CHERP: variants seen among roughly 807,000 people sequenced by gnomAD.
CHERP encodes the protein ERPROT 213-21.
CHERP carries 8 observed loss-of-function variants against 113.8 expected under a neutral mutation model. The observed-to-expected ratio is 0.07, with a 90% CI of 0.04 to 0.13. CHERP has a LOEUF of 0.13. Ranked by LOEUF, CHERP falls within the 10% of genes least tolerant of loss-of-function variation. The pLI is 1.00. For missense variants in CHERP, 884 were observed against 1,298.2 expected (o/e 0.68, Z 4.90); for synonymous variants, 559 against 524.5 (o/e 1.07, Z -0.90).
Position 16,535,445 on chromosome 19 carries a change from C to T in CHERP, c.384+7G>A, listed in dbSNP as rs532420622. 1 of 1,605,998 alleles carries T rather than the reference C, an allele frequency of 6.2e-7. No individual in the cohort carries two copies. On this transcript the variant is annotated splice_region_variant and intron_variant, in intron 3 of 16. Coordinates refer to ENST00000546361, the MANE Select transcript of CHERP (RefSeq NM_006387.6). The surrounding 1 kb of genome is among the most constrained non-coding windows in gnomAD (Gnocchi z 4.3). ...GGTGTCTGGCCGAGGAGGCGGCGGG[C>T]CCATACCTGTCTGAGCGCCAGCAAG...
intron 8 of CHERP, among the ~76,000 whole-genome samples, chr19:16,528,639 T>G (rs947479918): frequency 6.6e-6 from 1 of 152,222 alleles, no homozygotes; most frequent in African/African-American, 2.4e-5. Flanking sequence ...CAAATCTTCT[T>G]TGATCAGAAT....
intron 9 of CHERP, among the ~76,000 whole-genome samples, chr19:16,526,595 G>C (rs1034323707): frequency 6.6e-6 from 1 of 152,020 alleles, no homozygotes; most frequent in African/African-American, 2.4e-5. Context: ...AGCTTCTCGA[G>C]TAGCTGGGAT....
intron 12 of CHERP, chr19:16,521,232 G>T: frequency 1.7e-6 from 1 of 572,486 alleles, no homozygotes; most frequent in Non-Finnish European, 3.1e-6. Context: ...GGAAGGAGGG[G>T]TGACCACTGG....
At chr19:16,537,147 C>G (rs929004745) in intron 2 of CHERP, among the ~76,000 whole-genome samples, 2 of 152,010 alleles carry the variant, frequency 1.3e-5, no homozygotes, top group African/African-American at 2.4e-5. Context: ...TTTATCTCAG[C>G]CTGGTGCCTG....
Position 16,523,066 on chromosome 19 carries a change from C to A in CHERP, c.1966G>T (p.Ala656Ser). The A allele has an allele frequency of 6.6e-7, 1 of 1,513,006 alleles. No homozygotes were observed. 93.7% of individuals were successfully genotyped at this position (1,513,006 alleles called of 1,614,324 possible). Residue 656 changes from alanine to serine, a missense_variant, in exon 11 of 17, where the codon GCC becomes TCC. Coordinates refer to ENST00000546361, the MANE Select transcript of CHERP (RefSeq NM_006387.6). This position sits in a 1 kb window ranked among gnomAD's most constrained non-coding sequence, Gnocchi z 4.0. ...PYFDLPAGLMAPLVKLEDHEY... is the reference protein window; with the variant it reads ...PYFDLPAGLMSPLVKLEDHEY... ...TGGGGCATTACCTTCACGAGGGGGG[C>A]CATCAGCCCAGCAGGGAGATCGAAG...
At chr19:16,526,102 C>G (rs1373798780) in intron 9 of CHERP, 3 of 183,782 alleles carry the variant, frequency 1.6e-5, no homozygotes, top group Non-Finnish European at 3.4e-5. Context: ...TCTGACACCC[C>G]CTGCCCTGCC....
Position 16,530,464 on chromosome 19 carries a change from C to T in CHERP, c.876+121G>A. On this transcript the variant is annotated intron_variant, in intron 7 of 16. Coordinates refer to ENST00000546361, the MANE Select transcript of CHERP (RefSeq NM_006387.6). This position sits in a 1 kb window ranked among gnomAD's most constrained non-coding sequence, Gnocchi z 4.1. ...CAACACACACTGGCTACTCCTAGCA[C>T]AGGCAGGGGACATGGGCTCTCTGGC... The T allele has an allele frequency of 2.3e-6, 2 of 877,750 alleles. No homozygotes were observed. Among genetic ancestry groups the T allele is most frequent in the African/African-American group, 1.6e-5 (1 of 60,752 alleles). The allele number at this position is 877,750 out of a possible 1,614,324, so 54.4% of individuals were successfully genotyped here. A position where few individuals can be genotyped will look rare whatever the true frequency, so the allele number is the denominator to read the frequency against.
At chr19:16,536,739 G>A (rs991488275) in intron 2 of CHERP, among the ~76,000 whole-genome samples, 1 of 152,242 alleles carries the variant, frequency 6.6e-6, no homozygotes, top group African/African-American at 2.4e-5. Flanking sequence ...ACATTGGGCT[G>A]GGCATGATGG....
In CHERP at chr19:16,520,769, C is replaced by A; in HGVS notation, c.2201+57G>T. 4 of 1,518,928 alleles carry A rather than the reference C, an allele frequency of 2.6e-6. No individual in the cohort carries two copies. The allele number at this position is 1,518,928 out of a possible 1,614,324, so 94.1% of individuals were successfully genotyped here. A position where few individuals can be genotyped will look rare whatever the true frequency, so the allele number is the denominator to read the frequency against. The stretch of plus-strand genomic sequence containing the variant: ...TGAGTGTATCTGGGGTCTGCTCCCA[C>A]CCATCACAAGCTGTGGACCCTGGCC... On this transcript the variant is annotated intron_variant, in intron 13 of 16. Coordinates refer to ENST00000546361, the MANE Select transcript of CHERP (RefSeq NM_006387.6). The surrounding 1 kb of genome is among the most constrained non-coding windows in gnomAD (Gnocchi z 4.0).
At chr19:16,537,555 G>A (rs948629093) in intron 2 of CHERP, among the ~76,000 whole-genome samples, 9 of 149,476 alleles carry the variant, frequency 6.0e-5, no homozygotes, top group African/African-American at 2.2e-4. Flanking sequence ...CCCCTCCTGT[G>A]CTCCCCGCAC....
At position 16,532,816 on chromosome 19, in the gene CHERP, G is replaced by A; in HGVS notation, c.523-67C>T. The A allele has an allele frequency of 6.4e-7, 1 of 1,564,444 alleles. No homozygotes were observed. Among genetic ancestry groups the A allele is most frequent in the Non-Finnish European group, 8.7e-7 (1 of 1,150,364 alleles). ...TCCCCCAGGCACCCACTGCATCCCT[G>A]AGAGCGCGTCACCATCAGCTCAGGG... is the stretch of plus-strand genomic sequence containing the variant. On this transcript the variant is annotated intron_variant, in intron 4 of 16. Coordinates refer to ENST00000546361, the MANE Select transcript of CHERP (RefSeq NM_006387.6). The surrounding 1 kb of genome is among the most constrained non-coding windows in gnomAD (Gnocchi z 4.4).
rs749881694 is a variant in CHERP, at chr19:16,529,775, C to T, written c.1002G>A (p.Gln334=). 1.9e-6 allele frequency: 3 copies of T among 1,609,848 alleles called. No homozygotes were observed. The highest frequency in any genetic ancestry group is 2.2e-5 in the East Asian group (1 of 44,878). ...FVTSLAQQQQ[Q]QQQQQQQLQM... ...GGAGCTGCTGCTGCTGCTGTTGCTG[C>T]TGCTGCTGCTGCTGGGCCAGGCTGG... Residue 334 remains glutamine, a synonymous_variant, in exon 8 of 17, where the codon CAG becomes CAA. Transcript: ENST00000546361.
rs1054060572 is a variant in CHERP at position 16,535,796 on chromosome 19, G to C, written c.200-160C>G. 3.3e-5 allele frequency among the ~76,000 whole-genome samples: 5 copies of C among 152,096 alleles called. No individual in the cohort carries two copies. Among genetic ancestry groups the C allele is most frequent in the African/African-American group, 1.2e-4 (5 of 41,408 alleles). ...TGCCCACGCAAACCAGCTCCTCCTA[G>C]TCTCGGGTCCTGCCCTCCCTCTCAC... On this transcript the variant is annotated intron_variant, in intron 2 of 16. Transcript: ENST00000546361. This position sits in a 1 kb window ranked among gnomAD's most constrained non-coding sequence, Gnocchi z 4.3.
At chr19:16,537,754 T>C (rs996307928) in intron 2 of CHERP, among the ~76,000 whole-genome samples, 1 of 152,096 alleles carries the variant, frequency 6.6e-6, no homozygotes, top group African/African-American at 2.4e-5. Flanking sequence ...TCAGGTCCCA[T>C]CCCTCTACCT....
At chr19:16,542,134 G>A in intron 1 of CHERP, 91 bp from the exon 2 acceptor site, 1 of 1,413,872 alleles carries the variant, frequency 7.1e-7, no homozygotes, top group Non-Finnish European at 9.5e-7. Flanking sequence ...CGCCTTGCCG[G>A]GGACCCCAAG....
chr19:16,526,638 T>C (rs922706743), intron 9 of CHERP, among the ~76,000 whole-genome samples: 6 of 152,138 alleles, frequency 3.9e-5, no homozygotes, highest in African/African-American at 1.4e-4. Context: ...CGGCTATTTT[T>C]TTATCTTTAG....
chr19:16,525,676 G>A lies in CHERP; in HGVS notation c.1307C>T (p.Pro436Leu), dbSNP rs2085653233. ...HPVAPWGQQQ[P>L]PEQPPYPHHQ... Reference sequence around the variant, plus strand: ...GTGCGGGTAGGGTGGCTGCTCTGGCGGCTGCAAGGGAAGGGACAGGCTTGA... The same window carrying A: ...GTGCGGGTAGGGTGGCTGCTCTGGCAGCTGCAAGGGAAGGGACAGGCTTGA... The change falls in exon 10 of 17, where the codon CCG becomes CTG. Residue 436 changes from proline to leucine, a missense_variant and splice_region_variant. This residue lies in a region of CHERP where 464 missense variants were observed against 590.1 expected (regional missense o/e 0.79). Transcript: ENST00000546361. The surrounding 1 kb of genome is among the most constrained non-coding windows in gnomAD (Gnocchi z 6.5). 2.0e-6 allele frequency: 3 copies of A among 1,510,328 alleles called. No individual in the cohort carries two copies. The highest frequency in any genetic ancestry group is 2.0e-5 in the Admixed American group (1 of 49,002). 93.6% of individuals were successfully genotyped at this position (1,510,328 alleles called of 1,614,324 possible).
chr19:16,523,184 G>T lies in CHERP; in HGVS notation c.1848C>A (p.Pro616=), dbSNP rs200966843. Residue 616 remains proline, a synonymous_variant, in exon 11 of 17, where the codon CCC becomes CCA. Coordinates refer to ENST00000546361, the MANE Select transcript of CHERP (RefSeq NM_006387.6). This position sits in a 1 kb window ranked among gnomAD's most constrained non-coding sequence, Gnocchi z 4.0. ...GPQHPDFGPP[P]HGFNGQPPHM... ...GTGGGGGCTGCCCGTTGAAGCCATG[G>T]GGGGGAGGGCCGAAGTCAGGGTGCT... The T allele has an allele frequency of 3.8e-5, 60 of 1,575,394 alleles. 1 individual carries two copies. The South Asian group carries it at 5.9e-4, about 16-fold the overall frequency.
Position 16,521,386 on chromosome 19 carries a change from G to A in CHERP, c.2114+135C>T, listed in dbSNP as rs957964820. The A allele has an allele frequency of 6.8e-6, 5 of 736,692 alleles. No homozygotes were observed. The Admixed American group carries it at 1.5e-4, about 23-fold the overall frequency. 45.6% of individuals were successfully genotyped at this position (736,692 alleles called of 1,614,324 possible). ...TGTGCTGTGCCTGTGACACACACTT[G>A]TCACTCAGGCGGGGGGAGGGCAGTT... On this transcript the variant is annotated intron_variant, in intron 12 of 16. Coordinates refer to ENST00000546361, the MANE Select transcript of CHERP (RefSeq NM_006387.6).
Sources: gnomAD v4.1 joint callset for allele counts (sites outside exome capture counted in the v4.1 genomes callset) on GRCh38, gnomAD v4.1.1 for gene constraint, gnomAD v4.1.1 regional missense constraint, Gnocchi (gnomAD v3.1) non-coding constraint, MANE v1.5 for transcripts, NCBI Gene and HGNC (gene_info 2026-07-23, HGNC 2026-07-21) for gene names.